The following TANK variants were observed in gnomAD, a reference collection of about 807,000 sequenced individuals.
TANK encodes the protein TRAF family member-associated NF-kappa-B activator.
TANK carries 15 observed loss-of-function variants against 43.6 expected under a neutral mutation model. The ratio of observed to expected loss-of-function variants is 0.34; its 90% CI spans 0.23 to 0.53. The LOEUF (loss-of-function observed/expected upper bound fraction) is 0.53, where lower values mean the gene tolerates loss of function less well. Among genes scored for constraint, TANK ranks in the 20% least tolerant of loss-of-function variants. The pLI, the probability that TANK is intolerant of heterozygous loss-of-function variation, is 0.94. For synonymous variants in TANK, 162 were observed against 178.2 expected (o/e 0.91, Z 0.73); for missense variants, 417 against 498.6 (o/e 0.84, Z 1.56).
chr2:161,187,851 C>A lies in TANK; in HGVS notation c.99+8090C>A, dbSNP rs532342756. Among the ~76,000 whole-genome samples, 4 of 152,152 alleles carry A rather than the reference C, an allele frequency of 2.6e-5. No homozygotes were observed. The South Asian group carries it at 6.2e-4, about 24-fold the overall frequency. On this transcript the variant is annotated intron_variant, in intron 2 of 7. Coordinates refer to ENST00000392749, the MANE Select transcript of TANK (RefSeq NM_001199135.3). ...TAAATTTAAAAAGATTAAAATCATG[C>A]TAAGTATATTTTCTAATCACAATGA...
chr2:161,158,053 A>T (rs1281849151), upstream of TANK, among the ~76,000 whole-genome samples: 1 of 152,056 alleles, frequency 6.6e-6, no homozygotes, highest in Non-Finnish European at 1.5e-5. Flanking sequence ...ATTAATTAAT[A>T]TTATTAAATA....
At chr2:161,225,623 C>G (rs1180618904) in intron 6 of TANK, among the ~76,000 whole-genome samples, 3 of 152,116 alleles carry the variant, frequency 2.0e-5, no homozygotes, top group Admixed American at 1.3e-4. Context: ...GTAAACTGAT[C>G]ATTTATAATG....
At position 161,224,738 on chromosome 2, in the gene TANK, CT is replaced by C. The variant is rs1687525055; in HGVS notation, c.513del (p.Ala172GlnfsTer31). 3.3e-6 allele frequency: 5 copies of C among 1,506,420 alleles called. No homozygotes were observed. Among genetic ancestry groups the C allele is most frequent in the Non-Finnish European group, 4.5e-6 (5 of 1,114,680 alleles). The allele number at this position is 1,506,420 out of a possible 1,614,324, so 93.3% of individuals were successfully genotyped here. On this transcript the variant is annotated frameshift_variant, in exon 6 of 8. Transcript: ENST00000392749. LOFTEE classifies it high-confidence loss of function. ...DHLSKLNIPD[T>X]ATETQCSVPI... is the part of the protein sequence containing the mutation. ...TTAAGCAAACTTAATATACCAGACACTGCAACTGGTAAGATTTAATTTAATT... is the reference window on the plus strand; with the variant it reads ...TTAAGCAAACTTAATATACCAGACACGCAACTGGTAAGATTTAATTTAATT...
chr2:161,185,361 C>G (rs1337781905), intron 2 of TANK, among the ~76,000 whole-genome samples: 1 of 151,656 alleles, frequency 6.6e-6, no homozygotes, highest in Admixed American at 6.6e-5. Flanking sequence ...GTGGGAAGGG[C>G]AGATTGTAGT....
intron 2 of TANK, among the ~76,000 whole-genome samples, chr2:161,184,362 C>T (rs942284336): frequency 6.6e-6 from 1 of 152,058 alleles, no homozygotes; most frequent in Admixed American, 6.6e-5. Flanking sequence ...AAGCAATGTT[C>T]TAAGAGCAAG....
intron 1 of TANK, 81 bp from the exon 2 acceptor site, chr2:161,179,533 T>C: frequency 1.6e-6 from 2 of 1,272,886 alleles, no homozygotes; most frequent in Non-Finnish European, 2.1e-6. Context: ...GTAAACCTTA[T>C]AGAACTATCT....
intron 1 of TANK, among the ~76,000 whole-genome samples, chr2:161,167,659 G>A (rs796262290): frequency 1.2e-4 from 18 of 152,062 alleles, no homozygotes; most frequent in African/African-American, 4.1e-4. Context: ...GTCTCTCTCT[G>A]TCACCCAGGC....
intron 1 of TANK, among the ~76,000 whole-genome samples, chr2:161,165,949 C>T (rs752371189): frequency 2.6e-5 from 4 of 152,166 alleles, no homozygotes; most frequent in Non-Finnish European, 4.4e-5. Flanking sequence ...AAACCCATAA[C>T]ATTTGATAAA....
chr2:161,211,882 T>A (rs1686904716), intron 4 of TANK: 1 of 985,148 alleles, frequency 1.0e-6, no homozygotes, highest in Admixed American at 6.1e-5. Flanking sequence ...CCTGGTTTTC[T>A]TTCTAGAAAC....
chr2:161,166,000 G>A (rs1043268766), intron 1 of TANK, among the ~76,000 whole-genome samples: 2 of 152,206 alleles, frequency 1.3e-5, no homozygotes, highest in Non-Finnish European at 2.9e-5. Context: ...AAAAAAGGAA[G>A]TAAGGCAAAA....
At chr2:161,153,697 A>G (rs1438122321) in intron 1 of TANK, among the ~76,000 whole-genome samples, 1 of 151,568 alleles carries the variant, frequency 6.6e-6, no homozygotes, top group Non-Finnish European at 1.5e-5. Flanking sequence ...CAAAAAAAAA[A>G]AAAAAAAAAA....
intron 4 of TANK, among the ~76,000 whole-genome samples, chr2:161,221,349 A>G (rs2105378080): frequency 6.6e-6 from 1 of 152,290 alleles, no homozygotes; most frequent in East Asian, 1.9e-4. Flanking sequence ...TTGAAGTTAC[A>G]ACTTCATCTT....
chr2:161,228,149 G>C (rs556200908), intron 6 of TANK, among the ~76,000 whole-genome samples: 1 of 152,248 alleles, frequency 6.6e-6, no homozygotes, highest in Non-Finnish European at 1.5e-5. Context: ...AGTTATACTT[G>C]GAAATACAGT....
chr2:161,226,418 A>G (rs1428043355), intron 6 of TANK, among the ~76,000 whole-genome samples: 2 of 152,170 alleles, frequency 1.3e-5, no homozygotes, highest in Non-Finnish European at 2.9e-5. Context: ...ACCAAAATAA[A>G]TATTATACTC....
chr2:161,223,176 C>T (rs1056858808), intron 4 of TANK: 6 of 151,940 alleles, frequency 3.9e-5, no homozygotes, highest in Non-Finnish European at 8.8e-5. Flanking sequence ...TTCTTCAAAT[C>T]CTTTTCAGTT....
At chr2:161,232,692 A>C in intron 7 of TANK, 1 of 1,529,420 alleles carries the variant, frequency 6.5e-7, no homozygotes, top group Non-Finnish European at 8.8e-7. Flanking sequence ...AATGCTTGTT[A>C]CTTTTTTCTC....
intron 1 of TANK, chr2:161,162,998 T>TA (rs1288102397): frequency 6.6e-6 from 1 of 152,208 alleles, no homozygotes; most frequent in Non-Finnish European, 1.5e-5. Context: ...GAACCAATCT[T>TA]ACGCTTGGTC....
rs185254061 is a variant in TANK at position 161,142,730 on chromosome 2, T to A, written c.-50+5667T>A. Among the ~76,000 whole-genome samples, 708 of 152,334 alleles carry A rather than the reference T, an allele frequency of 4.6e-3. 3 individuals are homozygous for A. Among genetic ancestry groups the A allele is most frequent in the Non-Finnish European group, 7.7e-3 (527 of 68,022 alleles). ...TGCTCTTTTGGTTACTGTAGCCTTA[T>A]AGTATATTTTGAAGTCAGGTAGCGT... is the stretch of plus-strand genomic sequence containing the variant. On this transcript the variant is annotated intron_variant, in intron 1 of 7. Transcript: ENST00000259075.
intron 1 of TANK, chr2:161,161,407 C>G (rs774904580): frequency 2.6e-6 from 4 of 1,550,670 alleles, no homozygotes; most frequent in Non-Finnish European, 1.7e-6. Flanking sequence ...CACACCCAAA[C>G]GAGAGGTAGC....
Sources: gnomAD v4.1 joint callset for allele counts (sites outside exome capture counted in the v4.1 genomes callset) on GRCh38, gnomAD v4.1.1 for gene constraint, MANE v1.5 for transcripts, NCBI Gene and HGNC (gene_info 2026-07-23, HGNC 2026-07-21) for gene names.